Variants in SLC44A1 observed in about 807,000 individuals in gnomAD.
The protein encoded by SLC44A1 is choline transporter-like protein 1.
In SLC44A1, 26 loss-of-function variants were observed where a neutral mutation model predicts 79.3. The ratio of observed to expected loss-of-function variants is 0.33; its 90% CI spans 0.24 to 0.46. The LOEUF is 0.46. Ranked by LOEUF, SLC44A1 falls within the 20% of genes least tolerant of loss-of-function variation. The pLI, the probability that SLC44A1 is intolerant of heterozygous loss-of-function variation, is 1.00. For missense variants in SLC44A1, 688 were observed against 798.1 expected, an observed-to-expected ratio of 0.86 and a Z score of 1.66; for synonymous variants, 263 against 286.2, an observed-to-expected ratio of 0.92 and a Z score of 0.82.
At chr9:105,369,244 A>T (rs1828029772) in intron 12 of SLC44A1, among the ~76,000 whole-genome samples, 1 of 152,188 alleles carries the variant, frequency 6.6e-6, no homozygotes, top group Non-Finnish European at 1.5e-5. Context: ...TATTTTTCAT[A>T]GTTATGTAGT....
rs1828519620 is a variant in SLC44A1, at chr9:105,383,057, ATGG to A, written c.1633-63_1633-61del. The A allele has an allele frequency of 6.3e-6, 7 of 1,104,778 alleles. No homozygotes were observed. The Admixed American group carries it at 7.4e-5, about 12-fold the overall frequency. 68.4% of individuals were successfully genotyped at this position (1,104,778 alleles called of 1,614,324 possible). A position where few individuals can be genotyped will look rare whatever the true frequency, so the allele number is the denominator to read the frequency against. ...AAATAGTAGAATTTTAAGTCTGCAA[ATGG>A]TGAAAAAAGAGTGGCTTTCTTCAGT... On this transcript the variant is annotated intron_variant, in intron 13 of 15. Transcript: ENST00000374720.
chr9:105,294,360 T>C (rs1238568693), intron 1 of SLC44A1, among the ~76,000 whole-genome samples: 1 of 152,218 alleles, frequency 6.6e-6, no homozygotes, highest in African/African-American at 2.4e-5. Context: ...AGTTCAGGTC[T>C]ATGGCTAATA....
At chr9:105,326,153 C>G (rs1826569820) in intron 3 of SLC44A1, among the ~76,000 whole-genome samples, 1 of 152,106 alleles carries the variant, frequency 6.6e-6, no homozygotes, top group Admixed American at 6.5e-5. Flanking sequence ...TCACTGCAGC[C>G]TCAACCTCTT....
chr9:105,249,525 ATTT>A (rs11361823), intron 1 of SLC44A1, among the ~76,000 whole-genome samples: 1 of 142,214 alleles, frequency 7.0e-6, no homozygotes. Context: ...AGAAATGGTA[ATTT>A]TTTTTTTTTT....
chr9:105,341,708 A>G (rs901364726), intron 4 of SLC44A1, among the ~76,000 whole-genome samples: 5 of 152,180 alleles, frequency 3.3e-5, no homozygotes, highest in Admixed American at 1.3e-4. Context: ...TCCCTGTTCT[A>G]TTCTATTGCC....
In SLC44A1 at chr9:105,394,256, ACC is replaced by A. The variant is rs1396406913; in HGVS notation, c.*5201_*5202del. 7 of 985,306 alleles carry A rather than the reference ACC, an allele frequency of 7.1e-6. No homozygotes were observed. The African/African-American group carries it at 1.2e-4, about 17-fold the overall frequency. The allele number at this position is 985,306 out of a possible 1,614,324, so 61.0% of individuals were successfully genotyped here. On this transcript the variant is annotated 3_prime_UTR_variant, in exon 16 of 16. Coordinates refer to ENST00000374720, the MANE Select transcript of SLC44A1 (RefSeq NM_080546.5). ...TAGAGATACTTTTGAGATGATGCTT[ACC>A]ACCTTCTGACCTGGAATCATTTTTA...
intron 12 of SLC44A1, among the ~76,000 whole-genome samples, chr9:105,373,673 G>GT (rs1470941449): frequency 6.6e-6 from 1 of 152,168 alleles, no homozygotes; most frequent in Admixed American, 6.5e-5. Flanking sequence ...CTGTCACCAG[G>GT]TTGAAGTACC....
downstream of SLC44A1, among the ~76,000 whole-genome samples, chr9:105,399,253 A>G (rs1031260907): frequency 7.2e-5 from 11 of 152,232 alleles, no homozygotes; most frequent in Non-Finnish European, 1.5e-4. Context: ...AGCAATTTCA[A>G]TAGAAAACTT....
intron 3 of SLC44A1, among the ~76,000 whole-genome samples, chr9:105,313,500 G>A (rs544704256): frequency 2.2e-4 from 34 of 152,228 alleles, no homozygotes; most frequent in African/African-American, 8.2e-4. Flanking sequence ...GTGAGGGGAG[G>A]TTCCCCTTCT....
rs185987835 is a variant in SLC44A1, at chr9:105,300,465, C to T, written c.126+1156C>T. Reference sequence around the variant, plus strand: ...CTCCTCTGACTGCCCACCAGGCCAGCGCCATTTGTGAATCACAGAACAACT... The same window carrying T: ...CTCCTCTGACTGCCCACCAGGCCAGTGCCATTTGTGAATCACAGAACAACT... On this transcript the variant is annotated intron_variant, in intron 2 of 15. Coordinates refer to ENST00000374720, the MANE Select transcript of SLC44A1 (RefSeq NM_080546.5). Among the ~76,000 whole-genome samples the T allele has an allele frequency of 1.9e-3, 285 of 152,244 alleles. 2 individuals carry two copies. Among genetic ancestry groups the T allele is most frequent in the African/African-American group, 6.3e-3 (262 of 41,538 alleles).
chr9:105,387,052 A>ATAT (rs1420631281), intron 15 of SLC44A1, among the ~76,000 whole-genome samples: 1 of 1,270 alleles, frequency 7.9e-4, no homozygotes, highest in African/African-American at 1.3e-3. Flanking sequence ...AAAAAAAAAA[A>ATAT]AAAAAAAAAT....
intron 13 of SLC44A1, among the ~76,000 whole-genome samples, chr9:105,382,567 C>T (rs76397323): frequency 0.018 from 2,742 of 152,212 alleles, 42 homozygotes; most frequent in South Asian, 0.033. Context: ...CAATATAAAT[C>T]TCTAACAGTA....
chr9:105,397,454 C>G, downstream of SLC44A1: 1 of 580,852 alleles, frequency 1.7e-6, no homozygotes, highest in Non-Finnish European at 2.2e-6. Context: ...GCAAGGGTGC[C>G]CCAGAATTTC....
intron 3 of SLC44A1, among the ~76,000 whole-genome samples, chr9:105,328,248 GATAA>G (rs1423444006): frequency 1.3e-5 from 2 of 152,136 alleles, no homozygotes; most frequent in African/African-American, 4.8e-5. Context: ...AAAATAAACA[GATAA>G]ATAAGTAAAA....
downstream of SLC44A1, among the ~76,000 whole-genome samples, chr9:105,399,202 A>G (rs1236176533): frequency 6.6e-6 from 1 of 152,240 alleles, no homozygotes; most frequent in African/African-American, 2.4e-5. Flanking sequence ...GGATTCCAGA[A>G]AAAGTAAAGC....
At chr9:105,349,765 T>TA in intron 5 of SLC44A1, among the ~76,000 whole-genome samples, 1 of 152,312 alleles carries the variant, frequency 6.6e-6, no homozygotes, top group South Asian at 2.1e-4. Flanking sequence ...GAATATAGAA[T>TA]CATGCTCTCA....
chr9:105,374,565 G>T, intron 12 of SLC44A1, 33 bp from the exon 13 acceptor site: 1 of 1,592,488 alleles, frequency 6.3e-7, no homozygotes, highest in Non-Finnish European at 8.5e-7. Context: ...AGTTTCAATT[G>T]TTGACGAAAA....
At chr9:105,416,955 C>T (rs535915226) in intron 15 of SLC44A1, among the ~76,000 whole-genome samples, 2 of 152,292 alleles carry the variant, frequency 1.3e-5, no homozygotes, top group African/African-American at 4.8e-5. Context: ...ACAAAAAGTC[C>T]CAGTCCCTTT....
At chr9:105,375,646 C>T (rs1014374222) in intron 13 of SLC44A1, among the ~76,000 whole-genome samples, 1 of 152,118 alleles carries the variant, frequency 6.6e-6, no homozygotes, top group Non-Finnish European at 1.5e-5. Flanking sequence ...ATTATTATTA[C>T]AGTATTATAT....
Sources: gnomAD v4.1 joint callset for allele counts (sites outside exome capture counted in the v4.1 genomes callset) on GRCh38, gnomAD v4.1.1 for gene constraint, MANE v1.5 for transcripts, NCBI Gene and HGNC (gene_info 2026-07-23, HGNC 2026-07-21) for gene names.